SLC12A4: variants seen among roughly 807,000 people sequenced by gnomAD.
The protein encoded by SLC12A4 is solute carrier family 12 member 4.
In SLC12A4, 84 loss-of-function variants were observed where a neutral mutation model predicts 119.2. That is an observed-to-expected ratio of 0.70 (90% confidence interval 0.59 to 0.85). The LOEUF is 0.85. Ranked by LOEUF, SLC12A4 falls within the 40% of genes least tolerant of loss-of-function variation. The pLI is 0.00. For synonymous variants in SLC12A4, 599 were observed against 604.6 expected, an observed-to-expected ratio of 0.99 and a Z score of 0.14; for missense variants, 1,298 against 1,476.3, an observed-to-expected ratio of 0.88 and a Z score of 1.98.
At position 67,950,736 on chromosome 16, in the gene SLC12A4, G is replaced by T. The variant is rs772900704; in HGVS notation, c.1397-25C>A. 6.3e-7 allele frequency: 1 copy of T among 1,591,862 alleles called. No individual in the cohort carries two copies. Among genetic ancestry groups the T allele is most frequent in the East Asian group, 2.3e-5 (1 of 43,094 alleles). ...TCTGCGGCGGCGTCAAGGAAAACTC[G>T]GCCTCTGCCACCCCACTGTCCCTGA... is the stretch of plus-strand genomic sequence containing the variant. On this transcript the variant is annotated intron_variant, in intron 10 of 23. Transcript: ENST00000316341. The surrounding 1 kb of genome is among the most constrained non-coding windows in gnomAD (Gnocchi z 4.3).
At position 67,951,527 on chromosome 16, in the gene SLC12A4, C is replaced by A; in HGVS notation, c.1133-223G>T. 1 of 613,496 alleles carries A rather than the reference C, an allele frequency of 1.6e-6. No homozygotes were observed. The highest frequency in any genetic ancestry group is 2.8e-6 in the Non-Finnish European group (1 of 351,042). The allele number at this position is 613,496 out of a possible 1,614,324, so 38.0% of individuals were successfully genotyped here. A position where few individuals can be genotyped will look rare whatever the true frequency, so the allele number is the denominator to read the frequency against. On this transcript the variant is annotated intron_variant, in intron 8 of 23. Transcript: ENST00000316341. This position sits in a 1 kb window ranked among gnomAD's most constrained non-coding sequence, Gnocchi z 5.2. ...TGGCTGAACCACCGTCACCCAGAGC[C>A]CGCCACTGCCCGCCTTCCACAGAGG...
Position 67,946,996 on chromosome 16 carries a change from C to A in SLC12A4, c.2182G>T (p.Gly728Cys). Residue 728 changes from glycine (G) to cysteine (C), a missense_variant, in exon 17 of 24, where the codon GGT becomes TGT. Transcript: ENST00000316341. ...LKAGKGLTIV[G>C]SVIQGSFLES... ...AAGAAGCTCCCCTGGATGACAGAAC[C>A]AACAATGGTCAGGCCCTTGCCAGCC... 6.2e-7 allele frequency: 1 copy of A among 1,613,256 alleles called. No individual in the cohort carries two copies. Among genetic ancestry groups the A allele is most frequent in the Non-Finnish European group, 8.5e-7 (1 of 1,180,016 alleles).
intron 5 of SLC12A4, 93 bp from the exon 6 acceptor site, chr16:67,954,866 C>A: frequency 1.3e-6 from 2 of 1,505,342 alleles, no homozygotes; most frequent in South Asian, 2.4e-5. Flanking sequence ...CCCAGAGGGA[C>A]AGGGACTGCT....
Position 67,949,366 on chromosome 16 carries a change from G to T in SLC12A4, c.1748+434C>A, listed in dbSNP as rs970773799. Among the ~76,000 whole-genome samples, 1 of 152,004 alleles carries T rather than the reference G, an allele frequency of 6.6e-6. No homozygotes were observed. The highest frequency in any genetic ancestry group is 2.1e-4 in the South Asian group (1 of 4,818). On this transcript the variant is annotated intron_variant, in intron 13 of 23. Coordinates refer to ENST00000316341, the MANE Select transcript of SLC12A4 (RefSeq NM_005072.5). This position sits in a 1 kb window ranked among gnomAD's most constrained non-coding sequence, Gnocchi z 4.6. ...CTCAGGAGGCTGAGGCAGGAGAATTGCTTGAACCCAGGAGGCGGAGATTGC... is the reference window on the plus strand; with the variant it reads ...CTCAGGAGGCTGAGGCAGGAGAATTTCTTGAACCCAGGAGGCGGAGATTGC...
In SLC12A4 at chr16:67,943,627, A is replaced by T; in HGVS notation, c.*1213T>A. ...TCTTGTCCTTGGTGGGTGGGGGCCAAGGAAGGAGTGGTGGGGCTTGGCCCA... is the reference window on the plus strand; with the variant it reads ...TCTTGTCCTTGGTGGGTGGGGGCCATGGAAGGAGTGGTGGGGCTTGGCCCA... On this transcript the variant is annotated 3_prime_UTR_variant, in exon 24 of 24. Transcript: ENST00000316341. This position sits in a 1 kb window ranked among gnomAD's most constrained non-coding sequence, Gnocchi z 4.6. 2.0e-6 allele frequency: 1 copy of T among 505,634 alleles called. No homozygotes were observed. Among genetic ancestry groups the T allele is most frequent in the Non-Finnish European group, 3.6e-6 (1 of 278,510 alleles). The allele number at this position is 505,634 out of a possible 1,614,324, so 31.3% of individuals were successfully genotyped here. A position where few individuals can be genotyped will look rare whatever the true frequency, so the allele number is the denominator to read the frequency against.
rs758229419 is a variant in SLC12A4 at position 67,947,117 on chromosome 16, G to T, written c.2073-12C>A. On this transcript the variant is annotated splice_polypyrimidine_tract_variant and intron_variant, in intron 16 of 23. Transcript: ENST00000316341. ...CCAGCAGCTGCGGCCTGCAGTGGCC[G>T]GGTGGGGGGAGCCTGAGACCAGGGC... 1 of 1,573,602 alleles carries T rather than the reference G, an allele frequency of 6.4e-7. No individual in the cohort carries two copies. Among genetic ancestry groups the T allele is most frequent in the South Asian group, 1.1e-5 (1 of 87,518 alleles).
At chr16:67,957,478 ACT>A (rs997998658) in intron 5 of SLC12A4, 1 of 450,442 alleles carries the variant, frequency 2.2e-6, no homozygotes, top group Non-Finnish European at 4.0e-6. Context: ...CTTTTTTTGC[ACT>A]TTCAAACCCT....
chr16:67,955,542 C>T (rs557047207), intron 5 of SLC12A4, among the ~76,000 whole-genome samples: 2 of 151,298 alleles, frequency 1.3e-5, no homozygotes, highest in South Asian at 2.1e-4. Flanking sequence ...GGCAACATGG[C>T]GAGACCCCGT....
Position 67,951,803 on chromosome 16 carries a change from C to A in SLC12A4, c.1132+20G>T, listed in dbSNP as rs2292318. Reference sequence around the variant, plus strand: ...TCAGCCTGTGGGCTCAAGAGCAAGACGACGGGAGGGAGGACCCACCCTGGA... The same window carrying A: ...TCAGCCTGTGGGCTCAAGAGCAAGAAGACGGGAGGGAGGACCCACCCTGGA... On this transcript the variant is annotated intron_variant, in intron 8 of 23. Transcript: ENST00000316341. The surrounding 1 kb of genome is among the most constrained non-coding windows in gnomAD (Gnocchi z 5.2). The A allele has an allele frequency of 6.3e-7, 1 of 1,593,110 alleles. No individual in the cohort carries two copies. Among genetic ancestry groups the A allele is most frequent in the Non-Finnish European group, 8.6e-7 (1 of 1,168,542 alleles).
At chr16:67,968,313 A>T in intron 1 of SLC12A4, 126 bp downstream of exon 1, 1 of 841,088 alleles carries the variant, frequency 1.2e-6, no homozygotes, top group Non-Finnish European at 1.7e-6. Context: ...GCGGTCCAAA[A>T]AAAGTTGAGT....
At position 67,945,500 on chromosome 16, in the gene SLC12A4, C is replaced by T. The variant is rs139360066; in HGVS notation, c.2901G>A (p.Ser967=). The T allele has an allele frequency of 1.1e-4, 171 of 1,613,944 alleles. No individual in the cohort carries two copies. The highest frequency in any genetic ancestry group is 1.3e-4 in the Non-Finnish European group (155 of 1,180,018). Residue 967 remains serine, a synonymous_variant, in exon 22 of 24, where the codon TCG becomes TCA. Coordinates refer to ENST00000316341, the MANE Select transcript of SLC12A4 (RefSeq NM_005072.5). ...HSALRLESLY[S]DEEDESAVGA... Reference sequence around the variant, plus strand: ...CCACTGCAGACTCATCTTCCTCGTCCGAGTACAGGCTCTCCAGCCGCAGGG... The same window carrying T: ...CCACTGCAGACTCATCTTCCTCGTCTGAGTACAGGCTCTCCAGCCGCAGGG...
Position 67,946,010 on chromosome 16 carries a change from C to T in SLC12A4, c.2680G>A (p.Asp894Asn). The part of the protein sequence containing the change: ...MDDNSIQMKK[D>N]LAVFLYHLRL... ...AGATGGTACAGAAAGACAGCCAGGT[C>T]CTTCTTCATCTGGATGCTGTTGTCA... Residue 894 changes from aspartate to asparagine, a missense_variant, in exon 20 of 24, where the codon GAC (aspartate) becomes AAC (asparagine). Coordinates refer to ENST00000316341, the MANE Select transcript of SLC12A4 (RefSeq NM_005072.5). The T allele has an allele frequency of 6.2e-7, 1 of 1,614,104 alleles. No homozygotes were observed. The highest frequency in any genetic ancestry group is 8.5e-7 in the Non-Finnish European group (1 of 1,180,020).
chr16:67,945,646 G>T, intron 21 of SLC12A4, 93 bp from the exon 22 acceptor site: 1 of 1,509,056 alleles, frequency 6.6e-7, no homozygotes, highest in South Asian at 1.2e-5. Flanking sequence ...TCCGGGAAAT[G>T]AGCACTAGCT....
At chr16:67,958,739 T>C (rs2030406828) in intron 3 of SLC12A4, among the ~76,000 whole-genome samples, 1 of 152,070 alleles carries the variant, frequency 6.6e-6, no homozygotes, top group Non-Finnish European at 1.5e-5. Flanking sequence ...CCTGACCACA[T>C]GGGTCCCTCA....
chr16:67,945,272 G>A, intron 22 of SLC12A4, 52 bp from the exon 23 acceptor site: 1 of 1,555,540 alleles, frequency 6.4e-7, no homozygotes, highest in Non-Finnish European at 8.7e-7. Flanking sequence ...CTGCAAGGAG[G>A]GTCCCCACCC....
At position 67,950,827 on chromosome 16, in the gene SLC12A4, T is replaced by G; in HGVS notation, c.1397-116A>C. 6.9e-7 allele frequency: 1 copy of G among 1,443,764 alleles called. No homozygotes were observed. Among genetic ancestry groups the G allele is most frequent in the Non-Finnish European group, 9.6e-7 (1 of 1,044,942 alleles). 89.4% of individuals were successfully genotyped at this position (1,443,764 alleles called of 1,614,324 possible). On this transcript the variant is annotated intron_variant, in intron 10 of 23. Coordinates refer to ENST00000316341, the MANE Select transcript of SLC12A4 (RefSeq NM_005072.5). This position sits in a 1 kb window ranked among gnomAD's most constrained non-coding sequence, Gnocchi z 4.3. ...ACCTACAGCTGGGAGTCTCGTGGTG[T>G]GTATGTGCATGTGTGCATGAGAAGG...
At position 67,946,504 on chromosome 16, in the gene SLC12A4, C is replaced by T. The variant is rs780245780; in HGVS notation, c.2371G>A (p.Val791Met). ...CAGCCGTAGGGCCAGCCCAGCACCA[C>T]GGAGTTATGCCGCATGCCTCCCAGG... Reference protein sequence around the residue: ...CGLGGMRHNSVVLGWPYGWRQ... With the variant: ...CGLGGMRHNSMVLGWPYGWRQ... Residue 791 changes from valine to methionine, a missense_variant, in exon 18 of 24, where the codon GTG (valine) becomes ATG (methionine). Coordinates refer to ENST00000316341, the MANE Select transcript of SLC12A4 (RefSeq NM_005072.5). 43 of 1,609,450 alleles carry T rather than the reference C, an allele frequency of 2.7e-5. No homozygotes were observed. The highest frequency in any genetic ancestry group is 6.7e-5 in the Admixed American group (4 of 60,014).
intron 17 of SLC12A4, 69 bp downstream of exon 17, chr16:67,946,868 T>G (rs2058356565): frequency 7.9e-6 from 12 of 1,524,338 alleles, no homozygotes; most frequent in Non-Finnish European, 8.0e-6. Flanking sequence ...GACTGGGCCC[T>G]CCCCTCCGTG....
At chr16:67,956,851 T>TAC (rs199927960) in intron 5 of SLC12A4, among the ~76,000 whole-genome samples, 2 of 150,754 alleles carry the variant, frequency 1.3e-5, no homozygotes, top group African/African-American at 4.9e-5. Context: ...TATATATATA[T>TAC]ACAATTTATG....
Sources: gnomAD v4.1 joint callset for allele counts (sites outside exome capture counted in the v4.1 genomes callset) on GRCh38, gnomAD v4.1.1 for gene constraint, Gnocchi (gnomAD v3.1) non-coding constraint, MANE v1.5 for transcripts, NCBI Gene and HGNC (gene_info 2026-07-23, HGNC 2026-07-21) for gene names.